CCDC3: variants seen among roughly 807,000 people sequenced by gnomAD.
CCDC3 encodes the protein coiled-coil domain-containing protein 3.
A neutral mutation model predicts 21.4 loss-of-function variants in CCDC3; 24 were observed. The observed-to-expected ratio is 1.12, with a 90% CI of 0.81 to 1.58. The LOEUF (loss-of-function observed/expected upper bound fraction) is 1.58, where lower values mean the gene tolerates loss of function less well. CCDC3 is among the 40% of genes most tolerant of loss of function. CCDC3 has a pLI of 0.00. For missense variants in CCDC3, 425 were observed against 360.9 expected (o/e 1.18, Z -1.44); for synonymous variants, 186 against 166.0 (o/e 1.12, Z -0.93).
chr10:12,995,271 T>C (rs1835744217), intron 2 of CCDC3, among the ~76,000 whole-genome samples: 1 of 152,194 alleles, frequency 6.6e-6, no homozygotes, highest in African/African-American at 2.4e-5. Flanking sequence ...AGACAGAGTC[T>C]TGGTCTGCTG....
chr10:12,912,744 C>T (rs1454200882), intron 2 of CCDC3, among the ~76,000 whole-genome samples: 1 of 152,128 alleles, frequency 6.6e-6, no homozygotes. Flanking sequence ...TTTACAGTTT[C>T]AGGTCTACGC....
At chr10:13,066,302 A>T (rs909948158) in intron 4 of CCDC3, among the ~76,000 whole-genome samples, 1 of 152,138 alleles carries the variant, frequency 6.6e-6, no homozygotes, top group African/African-American at 2.4e-5. Context: ...GACCACAGGT[A>T]TGCACCACCA....
chr10:13,036,622 C>T lies in CCDC3; in HGVS notation c.-2+13052G>A, dbSNP rs531686938. Among the ~76,000 whole-genome samples, 649 of 151,528 alleles carry T rather than the reference C, an allele frequency of 4.3e-3. 4 individuals carry two copies. Among genetic ancestry groups the T allele is most frequent in the African/African-American group, 0.014 (573 of 41,344 alleles). On this transcript the variant is annotated intron_variant, in intron 5 of 6. Transcript: ENST00000378839. Reference sequence around the variant, plus strand: ...GCCTCAGCCTCCCGAGTAGCTGGGACGACAGGTGCACGCCACCATGCCCAG... The same window carrying T: ...GCCTCAGCCTCCCGAGTAGCTGGGATGACAGGTGCACGCCACCATGCCCAG...
chr10:12,972,369 G>C (rs1217069304), intron 2 of CCDC3, among the ~76,000 whole-genome samples: 1 of 152,116 alleles, frequency 6.6e-6, no homozygotes, highest in Non-Finnish European at 1.5e-5. Flanking sequence ...TTTCCAGCCT[G>C]GCACTCTGGG....
At chr10:13,065,742 C>G (rs895521521) in intron 4 of CCDC3, among the ~76,000 whole-genome samples, 7 of 152,216 alleles carry the variant, frequency 4.6e-5, no homozygotes, top group African/African-American at 1.7e-4. Context: ...GCAACATTCT[C>G]TTTGGCATGT....
intron 2 of CCDC3, among the ~76,000 whole-genome samples, chr10:12,935,207 A>G (rs1834716973): frequency 6.6e-6 from 1 of 152,166 alleles, no homozygotes; most frequent in African/African-American, 2.4e-5. Flanking sequence ...AGCTTTTTAT[A>G]GACAACAGAT....
intron 4 of CCDC3, among the ~76,000 whole-genome samples, chr10:13,056,296 G>C (rs1296608789): frequency 1.3e-5 from 2 of 152,180 alleles, no homozygotes; most frequent in Non-Finnish European, 2.9e-5. Flanking sequence ...TGAGTTTACA[G>C]ATGGGGCCTA....
intron 2 of CCDC3, among the ~76,000 whole-genome samples, chr10:12,989,040 C>T (rs184227853): frequency 1.5e-4 from 23 of 152,326 alleles, no homozygotes; most frequent in Middle Eastern, 3.4e-3. Context: ...TCTCCAAAGT[C>T]CAGATCGAGC....
At chr10:13,092,415 C>T (rs1300946031) in intron 3 of CCDC3, among the ~76,000 whole-genome samples, 1 of 152,168 alleles carries the variant, frequency 6.6e-6, no homozygotes, top group Non-Finnish European at 1.5e-5. Flanking sequence ...ACAGATCTTC[C>T]TCTAGGAGTT....
chr10:12,974,730 T>G (rs1380444624), intron 2 of CCDC3, among the ~76,000 whole-genome samples: 1 of 152,206 alleles, frequency 6.6e-6, no homozygotes, highest in Non-Finnish European at 1.5e-5. Flanking sequence ...TCATTCATTC[T>G]TCCTTGGGTC....
At chr10:12,924,448 C>A (rs1468073705) in intron 2 of CCDC3, among the ~76,000 whole-genome samples, 1 of 152,214 alleles carries the variant, frequency 6.6e-6, no homozygotes, top group Admixed American at 6.5e-5. Context: ...CAATTTATAA[C>A]TGTGTTGCCA....
chr10:13,097,553 A>G (rs1832643496), intron 3 of CCDC3, among the ~76,000 whole-genome samples: 1 of 152,134 alleles, frequency 6.6e-6, no homozygotes, highest in Non-Finnish European at 1.5e-5. Context: ...GCGAAACCTC[A>G]TCAATACGAA....
At chr10:13,048,881 C>T (rs1476494617) in intron 5 of CCDC3, among the ~76,000 whole-genome samples, 1 of 152,100 alleles carries the variant, frequency 6.6e-6, no homozygotes, top group Non-Finnish European at 1.5e-5. Context: ...TTCATCATAC[C>T]TAGAGCCACG....
intron 2 of CCDC3, among the ~76,000 whole-genome samples, chr10:12,936,286 T>G (rs1345597476): frequency 1.3e-5 from 2 of 152,238 alleles, no homozygotes; most frequent in Non-Finnish European, 2.9e-5. Context: ...CTATTCTTGC[T>G]TGCATGGTGT....
chr10:12,915,224 A>T (rs1010757677), intron 2 of CCDC3, among the ~76,000 whole-genome samples: 5 of 152,236 alleles, frequency 3.3e-5, no homozygotes, highest in African/African-American at 1.2e-4. Context: ...AAAGATACTC[A>T]GTAGGATTTC....
intron 3 of CCDC3, among the ~76,000 whole-genome samples, chr10:13,088,749 G>A (rs1311045886): frequency 1.3e-5 from 2 of 152,192 alleles, no homozygotes; most frequent in South Asian, 2.1e-4. Context: ...TTAGCTGGGC[G>A]CAGTGGCTCA....
intron 2 of CCDC3, among the ~76,000 whole-genome samples, chr10:12,972,877 A>G (rs554545256): frequency 1.1e-4 from 17 of 152,340 alleles, no homozygotes; most frequent in Non-Finnish European, 2.5e-4. Context: ...GTGGTTTCTC[A>G]TTCAGGAGAA....
chr10:12,907,124 T>C (rs1834185307), intron 2 of CCDC3, among the ~76,000 whole-genome samples: 1 of 152,188 alleles, frequency 6.6e-6, no homozygotes, highest in Non-Finnish European at 1.5e-5. Context: ...AGCCTGACTC[T>C]CTCCCAGACT....
chr10:12,933,076 ATTTTTT>A (rs1331973311), intron 2 of CCDC3, among the ~76,000 whole-genome samples: 1 of 151,668 alleles, frequency 6.6e-6, no homozygotes. Context: ...CATCATGTTG[ATTTTTT>A]TTCATCTTGG....
Sources: gnomAD v4.1 joint callset for allele counts (sites outside exome capture counted in the v4.1 genomes callset) on GRCh38, gnomAD v4.1.1 for gene constraint, MANE v1.5 for transcripts, NCBI Gene and HGNC (gene_info 2026-07-23, HGNC 2026-07-21) for gene names.